Variants in STON2 observed in about 807,000 individuals in gnomAD.
STON2 encodes stonin-2.
STON2 carries 29 observed loss-of-function variants against 65.7 expected under a neutral mutation model. The observed-to-expected ratio is 0.44, with a 90% CI of 0.33 to 0.60. The LOEUF is 0.60. STON2 is among the 20% of genes least tolerant of loss of function. The pLI is 0.03. For synonymous variants in STON2, 404 were observed against 414.2 expected (o/e 0.98, Z 0.30); for missense variants, 1,054 against 1,118.1 (o/e 0.94, Z 0.82).
At chr14:81,336,090 T>C (rs1216042510) in intron 4 of STON2, among the ~76,000 whole-genome samples, 2 of 152,094 alleles carry the variant, frequency 1.3e-5, no homozygotes, top group African/African-American at 4.8e-5. Flanking sequence ...AAACTGCCCT[T>C]GAGGTTGAGG....
chr14:81,341,014 T>C (rs2140292493), intron 4 of STON2, among the ~76,000 whole-genome samples: 1 of 152,136 alleles, frequency 6.6e-6, no homozygotes, highest in East Asian at 1.9e-4. Context: ...ACTTAGTAAG[T>C]CCTAGTGTCC....
At chr14:81,311,869 T>A (rs1896439296) in intron 5 of STON2, among the ~76,000 whole-genome samples, 1 of 152,256 alleles carries the variant, frequency 6.6e-6, no homozygotes. Flanking sequence ...GCATATTTTT[T>A]AAATGAAGGT....
chr14:81,354,756 C>T (rs939056046), intron 4 of STON2, among the ~76,000 whole-genome samples: 4 of 152,136 alleles, frequency 2.6e-5, no homozygotes, highest in Admixed American at 1.3e-4. Context: ...CGGTGGCTCA[C>T]GCCTGTAATC....
At chr14:81,304,105 A>G (rs1162377070) in intron 5 of STON2, among the ~76,000 whole-genome samples, 1 of 152,206 alleles carries the variant, frequency 6.6e-6, no homozygotes, top group Non-Finnish European at 1.5e-5. Context: ...GAATTTCCCA[A>G]TACTCTCTTG....
chr14:81,370,873 C>A, intron 4 of STON2, 115 bp downstream of exon 4: 1 of 945,422 alleles, frequency 1.1e-6, no homozygotes, highest in Non-Finnish European at 1.6e-6. Context: ...ATAACAACAC[C>A]TGAACTCATT....
intron 2 of STON2, among the ~76,000 whole-genome samples, chr14:81,407,062 C>T (rs984200387): frequency 2.9e-4 from 44 of 152,308 alleles, no homozygotes; most frequent in African/African-American, 9.1e-4. Context: ...AGAGCCAAGG[C>T]GAGTGTCAGG....
intron 3 of STON2, among the ~76,000 whole-genome samples, chr14:81,390,613 C>G (rs1900036267): frequency 6.6e-6 from 1 of 152,190 alleles, no homozygotes; most frequent in Admixed American, 6.5e-5. Flanking sequence ...ACAAAAAGTC[C>G]TGCATCATTA....
intron 4 of STON2, among the ~76,000 whole-genome samples, chr14:81,340,133 G>A (rs755906231): frequency 3.6e-4 from 55 of 152,188 alleles, no homozygotes; most frequent in Non-Finnish European, 4.7e-4. Flanking sequence ...CAGCCTGGGC[G>A]ACAGAGCGAG....
chr14:81,286,011 G>A (rs976200882), intron 5 of STON2, among the ~76,000 whole-genome samples: 1 of 152,048 alleles, frequency 6.6e-6, no homozygotes, highest in Admixed American at 6.5e-5. Flanking sequence ...AGCTGGGCAT[G>A]GTGGCGGGCA....
chr14:81,309,099 A>AG (rs1896324575), intron 5 of STON2, among the ~76,000 whole-genome samples: 1 of 65,394 alleles, frequency 1.5e-5, no homozygotes, highest in Non-Finnish European at 3.3e-5. Context: ...AAAAAAAAAA[A>AG]ACTCGTTATT....
chr14:81,379,719 A>C (rs958616530), intron 3 of STON2, among the ~76,000 whole-genome samples: 1 of 152,206 alleles, frequency 6.6e-6, no homozygotes, highest in Non-Finnish European at 1.5e-5. Flanking sequence ...ATCTTCTACA[A>C]AGCCAACAAT....
chr14:81,418,203 G>C (rs1427678253), intron 2 of STON2: 1 of 153,266 alleles, frequency 6.5e-6, no homozygotes, highest in African/African-American at 2.4e-5. Flanking sequence ...CATGGCAGAA[G>C]GGAAGGAGGA....
chr14:81,379,657 A>T (rs1407346163), intron 3 of STON2, among the ~76,000 whole-genome samples: 1 of 152,226 alleles, frequency 6.6e-6, no homozygotes, highest in East Asian at 1.9e-4. Context: ...TACACAGACC[A>T]ATGAAATAGG....
intron 4 of STON2, among the ~76,000 whole-genome samples, chr14:81,353,485 A>G (rs190134916): frequency 2.8e-3 from 426 of 152,336 alleles, no homozygotes; most frequent in Non-Finnish European, 4.3e-3. Flanking sequence ...CACAAATTGG[A>G]AAAAATCTCA....
Position 81,262,700 on chromosome 14 carries a change from C to A in STON2, c.*5714G>T. On this transcript the variant is annotated 3_prime_UTR_variant, in exon 8 of 8. Coordinates refer to ENST00000614646, the MANE Select transcript of STON2 (RefSeq NM_001394390.1). ...CTTAGAATTGACAAATTGAGAGACA[C>A]ATTTTTTTTTCAATTCTCAAAACAA... 5.1e-6 allele frequency: 5 copies of A among 985,308 alleles called. No homozygotes were observed. Among genetic ancestry groups the A allele is most frequent in the Non-Finnish European group, 6.0e-6 (5 of 829,896 alleles). 61.0% of individuals were successfully genotyped at this position (985,308 alleles called of 1,614,324 possible). A position where few individuals can be genotyped will look rare whatever the true frequency, so the allele number is the denominator to read the frequency against.
chr14:81,307,586 G>A (rs1896230010), intron 5 of STON2, among the ~76,000 whole-genome samples: 1 of 152,178 alleles, frequency 6.6e-6, no homozygotes, highest in Non-Finnish European at 1.5e-5. Flanking sequence ...ATAGTCTACT[G>A]TTGACACTTG....
intron 2 of STON2, among the ~76,000 whole-genome samples, chr14:81,407,000 T>A (rs1293976290): frequency 6.6e-6 from 1 of 152,182 alleles, no homozygotes; most frequent in African/African-American, 2.4e-5. Flanking sequence ...CTGCTGTGCT[T>A]GGCTTAGACT....
rs748058289 is a variant in STON2, at chr14:81,371,178, T to C, written c.381A>G (p.Pro127=). 1.5e-5 allele frequency: 24 copies of C among 1,613,986 alleles called. No individual in the cohort carries two copies. Among genetic ancestry groups the C allele is most frequent in the Non-Finnish European group, 1.9e-5 (23 of 1,180,000 alleles). The change falls in exon 4 of 8, where the codon CCA becomes CCG. Residue 127 remains proline (P), a synonymous_variant. Transcript: ENST00000614646. ...GGCATGTCCAGCAGGGCATGGTCAA[T>C]GGTAGGGCTGGGGAGAGACCAAAAA... ...PHQETAETAL[P]LTMPCWTCPS... is the part of the protein sequence containing the mutation.
chr14:81,367,818 G>A (rs372719532), intron 4 of STON2, among the ~76,000 whole-genome samples: 2 of 141,956 alleles, frequency 1.4e-5, no homozygotes, highest in Non-Finnish European at 3.0e-5. Flanking sequence ...GCAGATGGAG[G>A]TAAGATGCAA....
Sources: gnomAD v4.1 joint callset for allele counts (sites outside exome capture counted in the v4.1 genomes callset) on GRCh38, gnomAD v4.1.1 for gene constraint, MANE v1.5 for transcripts, NCBI Gene and HGNC (gene_info 2026-07-23, HGNC 2026-07-21) for gene names.